RSRC1: variants seen among roughly 807,000 people sequenced by gnomAD.
RSRC1 encodes the protein arginine and serine rich coiled-coil 1, also known as serine/Arginine-related protein 53.
Under a neutral mutation model 49.1 loss-of-function variants are expected in RSRC1, and 39 were observed. The observed-to-expected ratio is 0.79, with a 90% CI of 0.61 to 1.04. The LOEUF (loss-of-function observed/expected upper bound fraction) is 1.04, where lower values mean the gene tolerates loss of function less well. RSRC1 is among the 50% of genes least tolerant of loss of function. The probability of loss-of-function intolerance (pLI) is 0.00; values close to 1 mark genes in which losing one functional copy is unlikely to be tolerated. For missense variants in RSRC1, 388 were observed against 402.4 expected, an observed-to-expected ratio of 0.96 and a Z score of 0.31; for synonymous variants, 143 against 130.8, an observed-to-expected ratio of 1.09 and a Z score of -0.63.
At chr3:158,387,390 A>G (rs1733024286) in intron 6 of RSRC1, among the ~76,000 whole-genome samples, 2 of 152,180 alleles carry the variant, frequency 1.3e-5, no homozygotes, top group Admixed American at 1.3e-4. Context: ...TCAAGTGAAT[A>G]CTGGTTGCTT....
chr3:158,268,261 C>T (rs1334408987), intron 4 of RSRC1, among the ~76,000 whole-genome samples: 2 of 152,170 alleles, frequency 1.3e-5, no homozygotes, highest in East Asian at 3.8e-4. Flanking sequence ...TTGGTTAATA[C>T]ACTTAATTTA....
intron 3 of RSRC1, among the ~76,000 whole-genome samples, chr3:158,144,154 C>A (rs893056192): frequency 2.6e-5 from 4 of 152,078 alleles, no homozygotes; most frequent in African/African-American, 9.7e-5. Flanking sequence ...TTTTATTATA[C>A]TTTAAGTTTT....
chr3:158,202,513 A>G (rs1721101255), intron 3 of RSRC1, among the ~76,000 whole-genome samples: 1 of 130,324 alleles, frequency 7.7e-6, no homozygotes. Flanking sequence ...TTCAAGGGTC[A>G]ACCTGAGTTG....
intron 5 of RSRC1, among the ~76,000 whole-genome samples, chr3:158,328,641 C>T (rs1344389305): frequency 1.3e-5 from 2 of 152,144 alleles, no homozygotes; most frequent in Admixed American, 6.5e-5. Flanking sequence ...GGTAACCCAA[C>T]CTTTCTCTCT....
intron 4 of RSRC1, among the ~76,000 whole-genome samples, chr3:158,246,621 A>T (rs1578239846): frequency 6.6e-6 from 1 of 152,152 alleles, no homozygotes; most frequent in African/African-American, 2.4e-5. Context: ...AGAGGATTTT[A>T]TATCTTCCTC....
At chr3:158,127,125 A>C (rs1715678071) in intron 3 of RSRC1, among the ~76,000 whole-genome samples, 1 of 152,100 alleles carries the variant, frequency 6.6e-6, no homozygotes, top group Admixed American at 6.6e-5. Context: ...TCACTCTTGA[A>C]GTGAAAGGAT....
intron 3 of RSRC1, among the ~76,000 whole-genome samples, chr3:158,156,744 A>C (rs73164088): frequency 0.12 from 18,469 of 152,252 alleles, 1,397 homozygotes; most frequent in Middle Eastern, 0.2. Context: ...CACTCAGAAC[A>C]CACACATCTA....
intron 4 of RSRC1, among the ~76,000 whole-genome samples, chr3:158,249,892 G>C (rs1724111764): frequency 6.6e-6 from 1 of 151,992 alleles, no homozygotes; most frequent in South Asian, 2.1e-4. Flanking sequence ...CGATCCTCTT[G>C]TGCTATCAAA....
At chr3:158,323,343 C>T (rs1190198055) in intron 5 of RSRC1, among the ~76,000 whole-genome samples, 1 of 152,070 alleles carries the variant, frequency 6.6e-6, no homozygotes, top group Non-Finnish European at 1.5e-5. Context: ...ATGATTTGGG[C>T]AGAGGTCACG....
intron 6 of RSRC1, among the ~76,000 whole-genome samples, chr3:158,405,673 G>T (rs1043867276): frequency 1.3e-5 from 2 of 152,094 alleles, no homozygotes; most frequent in Non-Finnish European, 2.9e-5. Context: ...TTAGCCAGCA[G>T]GCTAGCCTTT....
At chr3:158,248,862 T>C (rs1389407412) in intron 4 of RSRC1, among the ~76,000 whole-genome samples, 1 of 151,364 alleles carries the variant, frequency 6.6e-6, no homozygotes, top group Non-Finnish European at 1.5e-5. Context: ...TTAGGTTAAC[T>C]TTTTAAGAAA....
chr3:158,473,437 C>G (rs1390372151), intron 7 of RSRC1, among the ~76,000 whole-genome samples: 1 of 152,058 alleles, frequency 6.6e-6, no homozygotes, highest in African/African-American at 2.4e-5. Context: ...ACTGCATGTT[C>G]TTACTCATAG....
At chr3:158,529,141 G>C (rs1022731397) in intron 7 of RSRC1, among the ~76,000 whole-genome samples, 1 of 149,810 alleles carries the variant, frequency 6.7e-6, no homozygotes, top group Non-Finnish European at 1.5e-5. Flanking sequence ...CTGTAATCTA[G>C]TTCAAGATAA....
At chr3:158,296,677 A>T (rs185756461) in intron 4 of RSRC1, among the ~76,000 whole-genome samples, 202 of 152,218 alleles carry the variant, frequency 1.3e-3, no homozygotes, top group Admixed American at 2.2e-3. Flanking sequence ...CCTTGCAGTA[A>T]TTTATTCTTA....
chr3:158,501,611 C>T (rs998564054), intron 7 of RSRC1, among the ~76,000 whole-genome samples: 5 of 152,070 alleles, frequency 3.3e-5, no homozygotes, highest in Non-Finnish European at 5.9e-5. Flanking sequence ...TGTCCCTCTT[C>T]GTCTTTTTTT....
At chr3:158,484,571 A>G (rs1738743740) in intron 7 of RSRC1, among the ~76,000 whole-genome samples, 1 of 152,114 alleles carries the variant, frequency 6.6e-6, no homozygotes, top group South Asian at 2.1e-4. Context: ...TAGGCATACT[A>G]GTTTTAAATA....
intron 6 of RSRC1, among the ~76,000 whole-genome samples, chr3:158,355,324 A>G (rs1440025201): frequency 6.6e-6 from 1 of 151,700 alleles, no homozygotes; most frequent in Non-Finnish European, 1.5e-5. Context: ...TAACATGTAA[A>G]ACCATAAAAC....
intron 4 of RSRC1, among the ~76,000 whole-genome samples, chr3:158,259,187 G>A (rs970718177): frequency 6.6e-6 from 1 of 152,096 alleles, no homozygotes; most frequent in Non-Finnish European, 1.5e-5. Context: ...TCACAGTCTG[G>A]ACTTGTTTGT....
chr3:158,470,035 G>T (rs953501562), intron 7 of RSRC1, among the ~76,000 whole-genome samples: 2 of 151,802 alleles, frequency 1.3e-5, no homozygotes, highest in African/African-American at 2.4e-5. Flanking sequence ...TAATCTCTTT[G>T]CCCCTAAGAT....
Sources: gnomAD v4.1 joint callset for allele counts (sites outside exome capture counted in the v4.1 genomes callset) on GRCh38, gnomAD v4.1.1 for gene constraint, MANE v1.5 for transcripts, NCBI Gene and HGNC (gene_info 2026-07-23, HGNC 2026-07-21) for gene names.